Variants in C4orf51 observed in about 807,000 individuals in gnomAD.
C4orf51 encodes chromosome 4 open reading frame 51, also known as uncharacterized protein C4orf51.
In C4orf51, 25 loss-of-function variants were observed where a neutral mutation model predicts 25.2. That is an observed-to-expected ratio of 0.99 (90% CI 0.72 to 1.39). The LOEUF (loss-of-function observed/expected upper bound fraction) is 1.39. Among genes scored for constraint, C4orf51 ranks in the 40% most tolerant of loss-of-function variants. The probability of loss-of-function intolerance (pLI) is 0.00; values close to 1 mark genes in which losing one functional copy is unlikely to be tolerated. For synonymous variants in C4orf51, 100 were observed against 84.5 expected, an observed-to-expected ratio of 1.18 and a Z score of -1.01; for missense variants, 252 against 239.6, an observed-to-expected ratio of 1.05 and a Z score of -0.34.
At chr4:145,704,877 C>T (rs1315289812) in intron 2 of C4orf51, among the ~76,000 whole-genome samples, 2 of 152,196 alleles carry the variant, frequency 1.3e-5, no homozygotes, top group East Asian at 1.9e-4. Flanking sequence ...AGGTAAAGCA[C>T]ACTTGGAAGA....
intron 2 of C4orf51, among the ~76,000 whole-genome samples, chr4:145,700,775 C>G (rs542649338): frequency 1.3e-5 from 2 of 152,242 alleles, no homozygotes; most frequent in African/African-American, 2.4e-5. Flanking sequence ...ACAGACCCAT[C>G]TGACCTCTCC....
At chr4:145,730,748 C>G (rs1195963677) in intron 5 of C4orf51, among the ~76,000 whole-genome samples, 1 of 151,636 alleles carries the variant, frequency 6.6e-6, no homozygotes, top group African/African-American at 2.4e-5. Flanking sequence ...TATACAAGTA[C>G]TACCTAACAG....
At chr4:145,786,181 G>A in the C4orf51 span, among the ~76,000 whole-genome samples, 12 of 152,270 alleles carry the variant, frequency 7.9e-5, no homozygotes, top group East Asian at 2.3e-3. Flanking sequence ...AAAGACTTTA[G>A]TTTGTTTCCT....
intron 2 of C4orf51, among the ~76,000 whole-genome samples, chr4:145,697,047 A>AAC (rs1553963214): frequency 2.0e-4 from 30 of 149,936 alleles, no homozygotes; most frequent in African/African-American, 7.1e-4. Flanking sequence ...AAACAAAACA[A>AAC]AACCAACCAA....
chr4:145,766,820 G>T (rs142539176), intron 1 of C4orf51, among the ~76,000 whole-genome samples: 33 of 152,186 alleles, frequency 2.2e-4, no homozygotes, highest in African/African-American at 2.2e-4. Context: ...CAATTTACAG[G>T]GCATTAGGTA....
the C4orf51 span, chr4:145,779,620 G>T: frequency 6.9e-7 from 1 of 1,439,280 alleles, no homozygotes. Context: ...AATGTGGCTA[G>T]TAATTGCAAA....
intron 1 of C4orf51, among the ~76,000 whole-genome samples, chr4:145,767,059 A>G (rs1437530117): frequency 6.6e-6 from 1 of 152,234 alleles, no homozygotes; most frequent in Non-Finnish European, 1.5e-5. Flanking sequence ...CAGATGTGCA[A>G]AAAGATAAAC....
chr4:145,770,806 T>C (rs1471693841), intron 1 of C4orf51, among the ~76,000 whole-genome samples: 1 of 152,230 alleles, frequency 6.6e-6, no homozygotes, highest in Non-Finnish European at 1.5e-5. Flanking sequence ...TATTTTCCCA[T>C]GAATAAATTC....
intron 2 of C4orf51, among the ~76,000 whole-genome samples, chr4:145,697,376 G>A (rs1730139225): frequency 6.6e-6 from 1 of 152,100 alleles, no homozygotes; most frequent in South Asian, 2.1e-4. Flanking sequence ...GGGATTACAA[G>A]CGTAAGCCAC....
chr4:145,749,738 A>G (rs1733568186), intron 1 of C4orf51, among the ~76,000 whole-genome samples: 1 of 152,042 alleles, frequency 6.6e-6, no homozygotes, highest in Non-Finnish European at 1.5e-5. Context: ...GGTTCACACC[A>G]TTCTCCTGCC....
At chr4:145,699,920 C>A (rs181998833) in intron 2 of C4orf51, among the ~76,000 whole-genome samples, 12 of 151,976 alleles carry the variant, frequency 7.9e-5, no homozygotes, top group Admixed American at 7.9e-4. Context: ...CGGCAAGTCC[C>A]GCTTTTCTGG....
chr4:145,681,132 C>T (rs1728814932), intron 1 of C4orf51, among the ~76,000 whole-genome samples: 1 of 152,110 alleles, frequency 6.6e-6, no homozygotes, highest in African/African-American at 2.4e-5. Context: ...CAAGGAGCTG[C>T]AAGGAGCTAA....
chr4:145,774,392 T>TGGAA, downstream of C4orf51: 1 of 1,191,690 alleles, frequency 8.4e-7, no homozygotes, highest in Non-Finnish European at 1.2e-6. Context: ...CTTCCTTCCA[T>TGGAA]GGAAGGAAAA....
At chr4:145,734,114 A>G (rs1732666166), downstream of C4orf51, among the ~76,000 whole-genome samples, 1 of 152,200 alleles carries the variant, frequency 6.6e-6, no homozygotes, top group South Asian at 2.1e-4. Context: ...GTTCAATTTG[A>G]CCAGCAACAT....
At chr4:145,717,937 C>T (rs985000468) in intron 2 of C4orf51, among the ~76,000 whole-genome samples, 5 of 152,204 alleles carry the variant, frequency 3.3e-5, no homozygotes, top group African/African-American at 1.2e-4. Context: ...TTTAATTCAA[C>T]TTTCTCTCCA....
chr4:145,699,472 C>T (rs1454903157), intron 2 of C4orf51, among the ~76,000 whole-genome samples: 1 of 152,078 alleles, frequency 6.6e-6, no homozygotes, highest in East Asian at 1.9e-4. Context: ...ATCCGTCAAC[C>T]TCTTTCTCCT....
chr4:145,782,524 T>G, the C4orf51 span, among the ~76,000 whole-genome samples: 1,486 of 152,364 alleles, frequency 9.8e-3, 8 homozygotes, highest in Middle Eastern at 0.024. Context: ...GGTGATCTTA[T>G]GCAGGTCTTT....
chr4:145,689,142 A>T (rs1218785208), intron 1 of C4orf51, among the ~76,000 whole-genome samples: 2 of 152,190 alleles, frequency 1.3e-5, no homozygotes, highest in Non-Finnish European at 2.9e-5. Flanking sequence ...TTAAATAACA[A>T]AGTGTAAAAG....
downstream of C4orf51, among the ~76,000 whole-genome samples, chr4:145,755,658 G>A (rs1026151461): frequency 2.6e-5 from 4 of 152,176 alleles, no homozygotes; most frequent in Non-Finnish European, 4.4e-5. Context: ...AGGGAAAAAC[G>A]GGGTGCCCCA....
Sources: allele counts gnomAD v4.1 joint callset (sites outside exome capture counted in the v4.1 genomes callset), GRCh38; gene constraint gnomAD v4.1.1; transcripts MANE v1.5; gene names NCBI Gene and HGNC (gene_info 2026-07-23, HGNC 2026-07-21).